MDGA2: variants seen among roughly 807,000 people sequenced by gnomAD.
MDGA2 encodes MAM domain-containing glycosylphosphatidylinositol anchor protein 2.
MDGA2 carries 40 observed loss-of-function variants against 117.8 expected under a neutral mutation model. That is an observed-to-expected ratio of 0.34 (90% CI 0.26 to 0.44). MDGA2 has a LOEUF of 0.44. Ranked by LOEUF, MDGA2 falls within the 20% of genes least tolerant of loss-of-function variation. MDGA2 has a pLI of 1.00. For missense variants in MDGA2, 1,123 were observed against 1,250.6 expected (o/e 0.90, Z 1.54); for synonymous variants, 452 against 439.0 (o/e 1.03, Z -0.37).
intron 10 of MDGA2, among the ~76,000 whole-genome samples, chr14:46,914,381 TA>T (rs1053322326): frequency 2.0e-5 from 3 of 152,114 alleles, no homozygotes; most frequent in Non-Finnish European, 4.4e-5. Context: ...ATTAATTTTT[TA>T]GCTTCTCATT....
intron 4 of MDGA2, among the ~76,000 whole-genome samples, chr14:47,139,265 T>C (rs1882599998): frequency 6.6e-6 from 1 of 152,088 alleles, no homozygotes; most frequent in African/African-American, 2.4e-5. Flanking sequence ...CCACACATAC[T>C]AATTATTGTT....
intron 8 of MDGA2, among the ~76,000 whole-genome samples, chr14:46,998,406 T>C (rs1169579294): frequency 6.6e-6 from 1 of 152,152 alleles, no homozygotes; most frequent in Non-Finnish European, 1.5e-5. Context: ...TAAACATACG[T>C]ATTAGAGGAA....
chr14:47,564,381 C>T (rs922776257), intron 1 of MDGA2, among the ~76,000 whole-genome samples: 1 of 152,162 alleles, frequency 6.6e-6, no homozygotes, highest in African/African-American at 2.4e-5. Context: ...CTTATGGTTC[C>T]ACGAGGCTGG....
At chr14:47,168,403 A>C (rs12435081) in intron 3 of MDGA2, among the ~76,000 whole-genome samples, 2 of 151,716 alleles carry the variant, frequency 1.3e-5, no homozygotes. Flanking sequence ...CCATAATTTC[A>C]TTACCATAAT....
intron 10 of MDGA2, among the ~76,000 whole-genome samples, chr14:46,901,819 C>T (rs1027918504): frequency 6.6e-6 from 1 of 152,168 alleles, no homozygotes; most frequent in Non-Finnish European, 1.5e-5. Flanking sequence ...TTCTCTGAAC[C>T]ACATTGGCAT....
rs370481455 is a variant in MDGA2 at position 47,540,563 on chromosome 14, T to TATATATAC, written c.280+133953_280+133954insGTATATAT. Among the ~76,000 whole-genome samples the TATATATAC allele has an allele frequency of 1.5e-3, 170 of 112,524 alleles. 2 individuals carry two copies. Among genetic ancestry groups the TATATATAC allele is most frequent in the African/African-American group, 3.5e-3 (118 of 34,156 alleles). The allele number at this position is 112,524 out of a possible 152,430, so 73.8% of individuals were successfully genotyped here. ...GTGTATATATATATATGTATATATA[T>TATATATAC]ACACACACACATAGAGAGAGAGACA... On this transcript the variant is annotated intron_variant, in intron 1 of 16. Transcript: ENST00000399232.
intron 3 of MDGA2, among the ~76,000 whole-genome samples, chr14:47,172,526 C>A (rs928831455): frequency 6.6e-6 from 1 of 152,144 alleles, no homozygotes; most frequent in Non-Finnish European, 1.5e-5. Context: ...GCTGCTGATA[C>A]CCAAGCAAAC....
intron 9 of MDGA2, among the ~76,000 whole-genome samples, chr14:46,952,125 A>G (rs960681781): frequency 6.6e-6 from 1 of 151,946 alleles, no homozygotes; most frequent in Non-Finnish European, 1.5e-5. Context: ...TTTTCAATAA[A>G]GGAAACTTAA....
intron 2 of MDGA2, among the ~76,000 whole-genome samples, chr14:47,266,563 TA>T (rs1296139643): frequency 6.6e-6 from 1 of 152,334 alleles, no homozygotes; most frequent in East Asian, 1.9e-4. Context: ...GTCAATATCT[TA>T]ATTAAAATAT....
At chr14:47,042,677 T>C (rs1291536721) in intron 7 of MDGA2, among the ~76,000 whole-genome samples, 1 of 152,072 alleles carries the variant, frequency 6.6e-6, no homozygotes, top group Non-Finnish European at 1.5e-5. Flanking sequence ...ATAATTTGCG[T>C]TTGCAACAAC....
intron 1 of MDGA2, among the ~76,000 whole-genome samples, chr14:47,580,463 G>A (rs1422388567): frequency 1.3e-5 from 2 of 151,796 alleles, no homozygotes; most frequent in African/African-American, 2.4e-5. Context: ...CAATTTTGAG[G>A]GTATACAAAT....
At chr14:47,029,579 A>G (rs1299769234) in intron 8 of MDGA2, among the ~76,000 whole-genome samples, 3 of 152,264 alleles carry the variant, frequency 2.0e-5, no homozygotes, top group East Asian at 1.9e-4. Context: ...GTGACATTCA[A>G]TGCAATATAT....
At position 46,845,856 on chromosome 14, in the gene MDGA2, T is replaced by C. The variant is rs547019863; in HGVS notation, c.2899A>G (p.Ile967Val). 2.5e-6 allele frequency: 4 copies of C among 1,612,598 alleles called. No homozygotes were observed. The highest frequency in any genetic ancestry group is 1.3e-5 in the African/African-American group (1 of 75,000). The change falls in exon 16 of 17, where the codon ATC (isoleucine) becomes GTC (valine). Residue 967 changes from isoleucine to valine, a missense_variant. Transcript: ENST00000399232. ...TCACCTTCTATTCCAGGACCTCGGA[T>C]ACCTTCAAAAATGAGCTACAAATAT... ...ITSFQLIFEG[I>V]RGPGIEGDIA...
intron 5 of MDGA2, among the ~76,000 whole-genome samples, chr14:47,106,633 C>A (rs1880701253): frequency 6.6e-6 from 1 of 152,220 alleles, no homozygotes; most frequent in African/African-American, 2.4e-5. Flanking sequence ...CTTCCCAGAT[C>A]TTCTCGGCTT....
chr14:47,144,348 C>G (rs1882848200), intron 3 of MDGA2, 74 bp from the exon 4 acceptor site: 3 of 1,133,984 alleles, frequency 2.6e-6, no homozygotes, highest in South Asian at 1.7e-5. Context: ...CTTATATAAC[C>G]CAACCAAAAA....
chr14:47,256,972 AAG>A lies in MDGA2; in HGVS notation c.421-38779_421-38778del, dbSNP rs553611715. On this transcript the variant is annotated intron_variant, in intron 2 of 16. Coordinates refer to ENST00000399232, the MANE Select transcript of MDGA2 (RefSeq NM_001113498.3). ...AAGAAAGGGAAAGAAAAAAAGAGAAAAGAGGGGGGACAAGATGAAAAAGGAAG... is the reference window on the plus strand; with the variant it reads ...AAGAAAGGGAAAGAAAAAAAGAGAAAAGGGGGGACAAGATGAAAAAGGAAG... 2.3e-4 allele frequency among the ~76,000 whole-genome samples: 35 copies of A among 151,658 alleles called. No homozygotes were observed. In the South Asian group the frequency reaches 6.7e-3, roughly 29 times the overall value.
At chr14:47,563,578 GTTTTTTTTTTT>G (rs56244321) in intron 1 of MDGA2, among the ~76,000 whole-genome samples, 12 of 56,974 alleles carry the variant, frequency 2.1e-4, no homozygotes, top group African/African-American at 4.7e-4. Context: ...GCTTTTTTCT[GTTTTTTTTTTT>G]TTTTTTTTTT....
At chr14:47,217,933 C>T (rs902399313) in intron 3 of MDGA2, 88 bp downstream of exon 3, 45 of 1,082,524 alleles carry the variant, frequency 4.2e-5, no homozygotes, top group African/African-American at 2.9e-4. Context: ...CTAAACAGAA[C>T]GCTATGGTTT....
intron 1 of MDGA2, among the ~76,000 whole-genome samples, chr14:47,596,237 A>C (rs1484402204): frequency 6.6e-6 from 1 of 152,234 alleles, no homozygotes; most frequent in Non-Finnish European, 1.5e-5. Context: ...ATAAAAAGGA[A>C]GCCAAAACAC....
Sources: allele counts gnomAD v4.1 joint callset (sites outside exome capture counted in the v4.1 genomes callset), GRCh38; gene constraint gnomAD v4.1.1; transcripts MANE v1.5; gene names NCBI Gene and HGNC (gene_info 2026-07-23, HGNC 2026-07-21).